Variants in SETBP1 observed in about 807,000 individuals in gnomAD.
SETBP1 encodes the protein SET-binding protein.
Under a neutral mutation model 101.0 loss-of-function variants are expected in SETBP1, and 9 were observed. The observed-to-expected ratio is 0.09, with a 90% CI of 0.05 to 0.16. The LOEUF (loss-of-function observed/expected upper bound fraction) is 0.16, where lower values mean the gene tolerates loss of function less well. Among genes scored for constraint, SETBP1 ranks in the 10% least tolerant of loss-of-function variants. SETBP1 has a pLI of 1.00. For synonymous variants in SETBP1, 818 were observed against 788.5 expected, an observed-to-expected ratio of 1.04 and a Z score of -0.63; for missense variants, 1,858 against 2,033.8, an observed-to-expected ratio of 0.91 and a Z score of 1.66.
intron 3 of SETBP1, among the ~76,000 whole-genome samples, chr18:44,937,875 CCT>C (rs1473323086): frequency 3.9e-5 from 6 of 152,204 alleles, no homozygotes; most frequent in Non-Finnish European, 1.5e-5. Flanking sequence ...CTCCAATCTT[CCT>C]CTCTTTCTCC....
At chr18:44,991,783 A>G (rs2072384180) in intron 4 of SETBP1, among the ~76,000 whole-genome samples, 1 of 152,218 alleles carries the variant, frequency 6.6e-6, no homozygotes, top group Non-Finnish European at 1.5e-5. Context: ...AGCAATTTCC[A>G]AATCTAATTG....
chr18:44,958,358 C>T (rs898709356), intron 4 of SETBP1, among the ~76,000 whole-genome samples: 1 of 152,136 alleles, frequency 6.6e-6, no homozygotes. Flanking sequence ...TGGATTTCTC[C>T]TTTGCGAAAG....
chr18:44,723,146 C>A (rs2069635680), intron 2 of SETBP1, among the ~76,000 whole-genome samples: 1 of 152,140 alleles, frequency 6.6e-6, no homozygotes, highest in Non-Finnish European at 1.5e-5. Flanking sequence ...GTTAATTGGA[C>A]AAAATTTCCC....
chr18:44,717,137 C>T (rs1240477863), intron 2 of SETBP1, among the ~76,000 whole-genome samples: 1 of 152,198 alleles, frequency 6.6e-6, no homozygotes, highest in Non-Finnish European at 1.5e-5. Context: ...ACCAGTGCCA[C>T]ACCCTCTGAG....
At chr18:44,824,127 A>G (rs1240158445) in intron 2 of SETBP1, among the ~76,000 whole-genome samples, 1 of 152,156 alleles carries the variant, frequency 6.6e-6, no homozygotes, top group Non-Finnish European at 1.5e-5. Context: ...GTGTGTGTGC[A>G]TGCATATGCA....
At chr18:44,986,938 A>AGTATT (rs71177661) in intron 4 of SETBP1, 3 of 31,926 alleles carry the variant, frequency 9.4e-5, no homozygotes, top group Non-Finnish European at 1.9e-4. Context: ...AGTATAGTAT[A>AGTATT]GTATTGTATT....
intron 3 of SETBP1, among the ~76,000 whole-genome samples, chr18:44,910,574 G>A (rs1262266182): frequency 6.6e-6 from 1 of 152,186 alleles, no homozygotes; most frequent in East Asian, 1.9e-4. Context: ...ATACGGGCCA[G>A]TGTCCTGCCC....
chr18:44,871,386 C>T (rs1380360732), intron 3 of SETBP1: 2 of 152,190 alleles, frequency 1.3e-5, no homozygotes, highest in Non-Finnish European at 2.9e-5. Context: ...GAAACTGAGT[C>T]CCACACAATA....
chr18:44,993,201 A>C (rs1292177987), intron 4 of SETBP1, among the ~76,000 whole-genome samples: 1 of 152,078 alleles, frequency 6.6e-6, no homozygotes, highest in East Asian at 1.9e-4. Flanking sequence ...GTAGGCACCA[A>C]ACCTAACAAT....
rs550673906 is a variant in SETBP1, at chr18:44,981,822, C to T, written c.4000+28482C>T. On this transcript the variant is annotated intron_variant, in intron 4 of 5. Coordinates refer to ENST00000649279, the MANE Select transcript of SETBP1 (RefSeq NM_015559.3). The stretch of plus-strand genomic sequence containing the variant: ...CAGATTTGATTTTTTTTAAGAAGCC[C>T]TTAGTTTTAATAGCTGATTAGCCTA... Among the ~76,000 whole-genome samples, 170 of 152,210 alleles carry T rather than the reference C, an allele frequency of 1.1e-3. 1 individual carries two copies. Among genetic ancestry groups the T allele is most frequent in the African/African-American group, 4.0e-3 (166 of 41,534 alleles).
chr18:45,011,072 A>T (rs2072828173), intron 4 of SETBP1, among the ~76,000 whole-genome samples: 1 of 152,214 alleles, frequency 6.6e-6, no homozygotes. Flanking sequence ...TACGCAGCAC[A>T]GTTCTAGGAT....
At chr18:44,717,178 G>A (rs1177334657) in intron 2 of SETBP1, among the ~76,000 whole-genome samples, 5 of 152,138 alleles carry the variant, frequency 3.3e-5, no homozygotes, top group Non-Finnish European at 2.9e-5. Context: ...CTCCTCATGC[G>A]GTGCTCAGGC....
intron 2 of SETBP1, among the ~76,000 whole-genome samples, chr18:44,749,371 T>A (rs2070332350): frequency 6.6e-6 from 1 of 151,992 alleles, no homozygotes; most frequent in East Asian, 1.9e-4. Context: ...TCTAGAATAT[T>A]GTGGGAGAGA....
chr18:44,970,314 A>C (rs1352454571), intron 4 of SETBP1: 2 of 154,366 alleles, frequency 1.3e-5, no homozygotes, highest in East Asian at 3.9e-4. Flanking sequence ...TCCAAAATAG[A>C]GATAATAGTA....
intron 2 of SETBP1, among the ~76,000 whole-genome samples, chr18:44,737,969 C>T (rs1453634735): frequency 6.6e-6 from 1 of 152,174 alleles, no homozygotes; most frequent in East Asian, 1.9e-4. Flanking sequence ...AACATCACCC[C>T]CATTGTCTAC....
At chr18:44,793,732 A>G (rs775319774) in intron 2 of SETBP1, among the ~76,000 whole-genome samples, 4 of 152,328 alleles carry the variant, frequency 2.6e-5, no homozygotes, top group Non-Finnish European at 2.9e-5. Flanking sequence ...ATGGATAAAT[A>G]TGTAGGGGAG....
chr18:44,743,469 AC>A (rs1178628528), intron 2 of SETBP1, among the ~76,000 whole-genome samples: 2 of 151,580 alleles, frequency 1.3e-5, no homozygotes. Context: ...AAGGTACAGC[AC>A]CCCCCCAACC....
At chr18:44,851,791 G>A (rs1275209061) in intron 2 of SETBP1, among the ~76,000 whole-genome samples, 1 of 152,146 alleles carries the variant, frequency 6.6e-6, no homozygotes, top group Non-Finnish European at 1.5e-5. Flanking sequence ...CCATTCTCTA[G>A]GTTGGGAATG....
At chr18:44,960,934 C>T (rs1235385610) in intron 4 of SETBP1, among the ~76,000 whole-genome samples, 1 of 152,228 alleles carries the variant, frequency 6.6e-6, no homozygotes, top group Non-Finnish European at 1.5e-5. Flanking sequence ...ATCTCTTTCC[C>T]TCTCTAGCTA....
Sources: allele counts gnomAD v4.1 joint callset (sites outside exome capture counted in the v4.1 genomes callset), GRCh38; gene constraint gnomAD v4.1.1; transcripts MANE v1.5; gene names NCBI Gene and HGNC (gene_info 2026-07-23, HGNC 2026-07-21).